NACC2: variants seen among roughly 807,000 people sequenced by gnomAD.
The protein encoded by NACC2 is nucleus accumbens-associated protein 2.
Under a neutral mutation model 25.1 loss-of-function variants are expected in NACC2, and 8 were observed. That is an observed-to-expected ratio of 0.32 (90% CI 0.19 to 0.57). The LOEUF is 0.57. Among genes scored for constraint, NACC2 ranks in the 20% least tolerant of loss-of-function variants. NACC2 has a pLI of 0.89. For synonymous variants in NACC2, 435 were observed against 294.7 expected (o/e 1.48, Z -4.88); for missense variants, 644 against 650.2 (o/e 0.99, Z 0.10).
intron 2 of NACC2, among the ~76,000 whole-genome samples, chr9:136,039,073 C>T (rs527299249): frequency 9.9e-5 from 15 of 152,192 alleles, no homozygotes; most frequent in African/African-American, 3.4e-4. Flanking sequence ...AACCATATGC[C>T]GTCTCTAAAA....
At chr9:136,053,151 G>A (rs1840873357) in intron 1 of NACC2, among the ~76,000 whole-genome samples, 1 of 152,230 alleles carries the variant, frequency 6.6e-6, no homozygotes, top group East Asian at 1.9e-4. Context: ...AGGCCTGGTG[G>A]GAGGCAAGGC....
At chr9:136,073,041 G>C (rs973416412) in intron 1 of NACC2, among the ~76,000 whole-genome samples, 5 of 152,134 alleles carry the variant, frequency 3.3e-5, no homozygotes, top group African/African-American at 1.2e-4. Flanking sequence ...CTCAGCACAA[G>C]ACACAGGTAA....
chr9:136,054,104 C>G (rs1035203480), intron 1 of NACC2, among the ~76,000 whole-genome samples: 200 of 152,340 alleles, frequency 1.3e-3, no homozygotes, highest in African/African-American at 4.7e-3. Flanking sequence ...AAGCCGGCGG[C>G]TGAAGCCTCA....
chr9:136,008,096 G>C lies in NACC2; in HGVS notation c.*3420C>G, dbSNP rs942668659. ...GGGTCCTGCTGACCTCTTGCCCACAGCTTTGTCCACATTCAGGGGCAAAGT... is the reference window on the plus strand; with the variant it reads ...GGGTCCTGCTGACCTCTTGCCCACACCTTTGTCCACATTCAGGGGCAAAGT... On this transcript the variant is annotated 3_prime_UTR_variant, in exon 6 of 6. Coordinates refer to ENST00000277554, the MANE Select transcript of NACC2 (RefSeq NM_144653.5). The C allele has an allele frequency of 6.6e-6, 1 of 152,294 alleles. No homozygotes were observed. Among genetic ancestry groups the C allele is most frequent in the Non-Finnish European group, 1.5e-5 (1 of 68,082 alleles). The allele number at this position is 152,294 out of a possible 1,614,324, so 9.4% of individuals were successfully genotyped here.
At chr9:136,080,430 G>A (rs1830308422) in intron 1 of NACC2, among the ~76,000 whole-genome samples, 1 of 152,242 alleles carries the variant, frequency 6.6e-6, no homozygotes, top group African/African-American at 2.4e-5. Flanking sequence ...AAATTAGCTG[G>A]GCGTGGTGGC....
intron 1 of NACC2, among the ~76,000 whole-genome samples, chr9:136,074,233 G>A (rs980590548): frequency 1.3e-5 from 2 of 150,892 alleles, no homozygotes; most frequent in African/African-American, 2.4e-5. Context: ...GGCAGATCAC[G>A]AGGTCAGGAG....
Position 136,016,172 on chromosome 9 carries a change from G to A in NACC2, c.1051+93C>T, listed in dbSNP as rs138586269. 2.1e-5 allele frequency: 29 copies of A among 1,381,586 alleles called. No individual in the cohort carries two copies. In the East Asian group the frequency reaches 5.7e-4, roughly 27 times the overall value. 85.6% of individuals were successfully genotyped at this position (1,381,586 alleles called of 1,614,324 possible). A position where few individuals can be genotyped will look rare whatever the true frequency, so the allele number is the denominator to read the frequency against. Reference sequence around the variant, plus strand: ...TTAAGATTTTTTTTTTGACTGATTGGTGATGAGTACATTGTTCAGAGCTCT... The same window carrying A: ...TTAAGATTTTTTTTTTGACTGATTGATGATGAGTACATTGTTCAGAGCTCT... On this transcript the variant is annotated intron_variant, in intron 3 of 5. Coordinates refer to ENST00000277554, the MANE Select transcript of NACC2 (RefSeq NM_144653.5).
rs1047098876 is a variant in NACC2 at position 136,055,270 on chromosome 9, C to G, written c.-59-4690G>C. ...GTTGGGGCAGCGTCTCCAGAACGAC[C>G]CCCCTGCCTGAGTGTCGTCCCGGCA... On this transcript the variant is annotated intron_variant, in intron 1 of 5. Transcript: ENST00000277554. This position sits in a 1 kb window ranked among gnomAD's most constrained non-coding sequence, Gnocchi z 4.9. Among the ~76,000 whole-genome samples the G allele has an allele frequency of 1.3e-5, 2 of 152,148 alleles. No individual in the cohort carries two copies. The highest frequency in any genetic ancestry group is 2.1e-4 in the South Asian group (1 of 4,826).
At chr9:136,068,499 C>CAAAA (rs58780352) in intron 1 of NACC2, among the ~76,000 whole-genome samples, 1 of 100,076 alleles carries the variant, frequency 1.0e-5, no homozygotes, top group Non-Finnish European at 1.9e-5. Context: ...AACTCCGTCT[C>CAAAA]AAAAAAAAAA....
chr9:136,042,436 C>A (rs1840647954), intron 2 of NACC2, among the ~76,000 whole-genome samples: 1 of 152,028 alleles, frequency 6.6e-6, no homozygotes, highest in Non-Finnish European at 1.5e-5. Flanking sequence ...AATAGGCCTG[C>A]AGGTACGTAT....
At chr9:136,035,644 G>A (rs889524043) in intron 2 of NACC2, among the ~76,000 whole-genome samples, 1 of 151,912 alleles carries the variant, frequency 6.6e-6, no homozygotes, top group Non-Finnish European at 1.5e-5. Context: ...GAGGATGATG[G>A]ATTGAGATAA....
In NACC2 at chr9:136,022,745, A is replaced by G. The variant is rs1588559721; in HGVS notation, c.887-6316T>C. 1.3e-5 allele frequency among the ~76,000 whole-genome samples: 2 copies of G among 152,006 alleles called. No homozygotes were observed. Among genetic ancestry groups the G allele is most frequent in the South Asian group, 2.1e-4 (1 of 4,818 alleles). ...GGGCAGTGCCTCTGTCATCCTCCAG[A>G]AAGACCAGAAACGACTTCCACGCTG... is the stretch of plus-strand genomic sequence containing the variant. On this transcript the variant is annotated intron_variant, in intron 2 of 5. Coordinates refer to ENST00000277554, the MANE Select transcript of NACC2 (RefSeq NM_144653.5). The surrounding 1 kb of genome is among the most constrained non-coding windows in gnomAD (Gnocchi z 4.4).
chr9:136,031,595 C>T (rs1840474384), intron 2 of NACC2, among the ~76,000 whole-genome samples: 1 of 152,180 alleles, frequency 6.6e-6, no homozygotes, highest in Admixed American at 6.5e-5. Flanking sequence ...GCCTCGGCCT[C>T]CCAAAGTGCT....
In NACC2 at chr9:136,076,746, T is replaced by C. The variant is rs563801514; in HGVS notation, c.-60+18443A>G. ...AATGTATTGGCCTGGTGGTGGCTCATGCCTGTAATCTCAGCACTTTGGGAG... is the reference window on the plus strand; with the variant it reads ...AATGTATTGGCCTGGTGGTGGCTCACGCCTGTAATCTCAGCACTTTGGGAG... On this transcript the variant is annotated intron_variant, in intron 1 of 5. Coordinates refer to ENST00000277554, the MANE Select transcript of NACC2 (RefSeq NM_144653.5). 1.1e-3 allele frequency among the ~76,000 whole-genome samples: 162 copies of C among 152,316 alleles called. 1 individual carries two copies. Among genetic ancestry groups the C allele is most frequent in the African/African-American group, 3.6e-3 (148 of 41,576 alleles).
chr9:136,087,491 C>T (rs1161688341), intron 1 of NACC2, among the ~76,000 whole-genome samples: 1 of 152,230 alleles, frequency 6.6e-6, no homozygotes, highest in East Asian at 1.9e-4. Flanking sequence ...CGGGCCAGCC[C>T]CACTGGAAGG....
chr9:136,013,160 C>A lies in NACC2; in HGVS notation c.1255+39G>T. 2.5e-6 allele frequency: 2 copies of A among 798,064 alleles called. No individual in the cohort carries two copies. Among genetic ancestry groups the A allele is most frequent in the South Asian group, 1.4e-5 (1 of 73,040 alleles). The allele number at this position is 798,064 out of a possible 1,614,324, so 49.4% of individuals were successfully genotyped here. ...TCCTCAGGCTGGGATCTGAACCCAG[C>A]CCCGGCCCCACCCACCCGAGAGACC... On this transcript the variant is annotated intron_variant, in intron 5 of 5. Coordinates refer to ENST00000277554, the MANE Select transcript of NACC2 (RefSeq NM_144653.5). The surrounding 1 kb of genome is among the most constrained non-coding windows in gnomAD (Gnocchi z 6.6).
At chr9:136,089,376 A>ACC (rs1830412133) in intron 1 of NACC2, among the ~76,000 whole-genome samples, 1 of 151,900 alleles carries the variant, frequency 6.6e-6, no homozygotes, top group Non-Finnish European at 1.5e-5. Context: ...CTTGCTAGAA[A>ACC]CCTAGCACCC....
chr9:136,053,973 T>C (rs1840886296), intron 1 of NACC2, among the ~76,000 whole-genome samples: 1 of 152,172 alleles, frequency 6.6e-6, no homozygotes, highest in Non-Finnish European at 1.5e-5. Flanking sequence ...GCTGAAATCC[T>C]AGGTCCCGTG....
chr9:136,013,159 G>GGCCCCGGCCCCCCCC lies in NACC2; in HGVS notation c.1255+39_1255+40insGGGGGGGGCCGGGGC. ...CTCCTCAGGCTGGGATCTGAACCCA[G>GGCCCCGGCCCCCCCC]CCCCGGCCCCACCCACCCGAGAGAC... On this transcript the variant is annotated intron_variant, in intron 5 of 5. Transcript: ENST00000277554. The surrounding 1 kb of genome is among the most constrained non-coding windows in gnomAD (Gnocchi z 6.6). The GGCCCCGGCCCCCCCC allele has an allele frequency of 1.3e-6, 1 of 754,890 alleles. No individual in the cohort carries two copies. The highest frequency in any genetic ancestry group is 2.3e-6 in the Non-Finnish European group (1 of 425,914). 46.8% of individuals were successfully genotyped at this position (754,890 alleles called of 1,614,324 possible).
Sources: allele counts gnomAD v4.1 joint callset (sites outside exome capture counted in the v4.1 genomes callset), GRCh38; gene constraint gnomAD v4.1.1; non-coding constraint Gnocchi (gnomAD v3.1); transcripts MANE v1.5; gene names NCBI Gene and HGNC (gene_info 2026-07-23, HGNC 2026-07-21).